The following DYNC1I1 variants were observed in gnomAD, a reference collection of about 807,000 sequenced individuals.
DYNC1I1 encodes the protein cytoplasmic dynein 1 intermediate chain 1.
In DYNC1I1, 43 loss-of-function variants were observed where a neutral mutation model predicts 86.6. The observed-to-expected ratio is 0.50, with a 90% confidence interval of 0.39 to 0.64. The LOEUF (loss-of-function observed/expected upper bound fraction) is 0.64, where lower values mean the gene tolerates loss of function less well. DYNC1I1 is among the 30% of genes least tolerant of loss of function. DYNC1I1 has a pLI of 0.00. For missense variants in DYNC1I1, 604 were observed against 788.8 expected (o/e 0.77, Z 2.81); for synonymous variants, 262 against 283.7 (o/e 0.92, Z 0.77).
chr7:95,977,739 C>T (rs775935455), intron 7 of DYNC1I1, 138 bp downstream of exon 7: 46 of 642,084 alleles, frequency 7.2e-5, no homozygotes, highest in Non-Finnish European at 1.1e-4. Flanking sequence ...TTGTTCAATA[C>T]ATTACATTTA....
intron 1 of DYNC1I1, among the ~76,000 whole-genome samples, chr7:95,775,453 C>T (rs1450462358): frequency 6.6e-6 from 1 of 152,194 alleles, no homozygotes; most frequent in African/African-American, 2.4e-5. Flanking sequence ...TCTCCAAAGA[C>T]TCTAAAACTA....
At chr7:96,102,719 A>G (rs991218989), downstream of DYNC1I1, among the ~76,000 whole-genome samples, 1 of 152,216 alleles carries the variant, frequency 6.6e-6, no homozygotes, top group African/African-American at 2.4e-5. Flanking sequence ...ATGCTATGAT[A>G]TTAATGGTGT....
At chr7:95,916,380 C>T (rs1218765723) in intron 6 of DYNC1I1, among the ~76,000 whole-genome samples, 1 of 151,970 alleles carries the variant, frequency 6.6e-6, no homozygotes, top group Admixed American at 6.6e-5. Context: ...GAAAAACTGG[C>T]CTAAATTATG....
intron 6 of DYNC1I1, among the ~76,000 whole-genome samples, chr7:95,940,569 C>T (rs1250373499): frequency 1.3e-5 from 2 of 152,194 alleles, no homozygotes; most frequent in Non-Finnish European, 2.9e-5. Flanking sequence ...CACTGATACC[C>T]TTTCTTCCAG....
At chr7:95,978,931 G>C (rs1793381982) in intron 7 of DYNC1I1, among the ~76,000 whole-genome samples, 1 of 152,136 alleles carries the variant, frequency 6.6e-6, no homozygotes, top group Non-Finnish European at 1.5e-5. Flanking sequence ...GAGTAGCTGA[G>C]ATTACAGGTG....
At chr7:96,078,219 C>T (rs1790401844) in intron 15 of DYNC1I1, among the ~76,000 whole-genome samples, 1 of 152,102 alleles carries the variant, frequency 6.6e-6, no homozygotes, top group Admixed American at 6.6e-5. Flanking sequence ...TTCATATTTC[C>T]CACCTCAGTA....
At chr7:95,914,239 A>G (rs1791411603) in intron 6 of DYNC1I1, among the ~76,000 whole-genome samples, 1 of 152,230 alleles carries the variant, frequency 6.6e-6, no homozygotes, top group Non-Finnish European at 1.5e-5. Flanking sequence ...CACTTCCAGT[A>G]GCTGAATAGG....
At chr7:95,970,942 A>ACAGC (rs1793153157) in intron 6 of DYNC1I1, among the ~76,000 whole-genome samples, 1 of 152,212 alleles carries the variant, frequency 6.6e-6, no homozygotes, top group Admixed American at 6.5e-5. Context: ...AGACAGGCAG[A>ACAGC]TTCAAGACAG....
In DYNC1I1 at chr7:96,018,791, C is replaced by T. The variant is rs534871752; in HGVS notation, c.970-9384C>T. 2.0e-5 allele frequency among the ~76,000 whole-genome samples: 3 copies of T among 152,278 alleles called. No individual in the cohort carries two copies. The East Asian group carries it at 5.8e-4, about 29-fold the overall frequency. Reference sequence around the variant, plus strand: ...GCAGAGGGAAATATCATAAGTTTCTCAGTTGGGCTGGTTGTGAAAATGACA... The same window carrying T: ...GCAGAGGGAAATATCATAAGTTTCTTAGTTGGGCTGGTTGTGAAAATGACA... On this transcript the variant is annotated intron_variant, in intron 10 of 16. Transcript: ENST00000447467.
chr7:95,806,174 T>G (rs150415249), intron 2 of DYNC1I1, among the ~76,000 whole-genome samples: 1 of 152,300 alleles, frequency 6.6e-6, no homozygotes, highest in African/African-American at 2.4e-5. Context: ...ATATTTCCTT[T>G]CCCTCAAATG....
chr7:95,928,165 A>G lies in DYNC1I1; in HGVS notation c.491-49347A>G, dbSNP rs60377122. Among the ~76,000 whole-genome samples the G allele has an allele frequency of 7.3e-3, 1,115 of 152,342 alleles. 12 individuals carry two copies. The highest frequency in any genetic ancestry group is 0.025 in the African/African-American group (1,053 of 41,574). On this transcript the variant is annotated intron_variant, in intron 6 of 16. Coordinates refer to ENST00000447467, the MANE Select transcript of DYNC1I1 (RefSeq NM_001135556.2). ...CTAGTACTGCCTTGCTTCCTCCTTC[A>G]GGATAGCACCCATTTCTGTAGATAT...
intron 6 of DYNC1I1, among the ~76,000 whole-genome samples, chr7:95,951,484 A>G (rs1011094413): frequency 3.3e-5 from 5 of 152,146 alleles, no homozygotes; most frequent in South Asian, 2.1e-4. Context: ...GAAGGCCCCA[A>G]AAAGAAAGAA....
At chr7:96,081,590 A>G (rs773640396) in intron 16 of DYNC1I1, among the ~76,000 whole-genome samples, 3 of 152,198 alleles carry the variant, frequency 2.0e-5, no homozygotes, top group Non-Finnish European at 2.9e-5. Context: ...TGAATCTAAC[A>G]TTGCATTCCA....
At chr7:96,055,948 A>C (rs1789565351) in intron 14 of DYNC1I1, 1 of 152,204 alleles carries the variant, frequency 6.6e-6, no homozygotes, top group Admixed American at 6.5e-5. Context: ...GGCAAAAGTA[A>C]GAGGAGGTCT....
downstream of DYNC1I1, among the ~76,000 whole-genome samples, chr7:96,102,349 T>A (rs533275776): frequency 9.5e-4 from 144 of 152,256 alleles, no homozygotes; most frequent in Non-Finnish European, 1.6e-3. Context: ...AATTAACTAA[T>A]GTACCAGATG....
At chr7:95,857,886 A>G (rs556862728) in intron 5 of DYNC1I1, among the ~76,000 whole-genome samples, 18 of 152,236 alleles carry the variant, frequency 1.2e-4, no homozygotes, top group Non-Finnish European at 2.4e-4. Context: ...AACTACCTAG[A>G]CTAGCAGTAA....
At chr7:95,822,983 A>G (rs1466887102) in intron 4 of DYNC1I1, among the ~76,000 whole-genome samples, 1 of 152,152 alleles carries the variant, frequency 6.6e-6, no homozygotes, top group Non-Finnish European at 1.5e-5. Context: ...TCGTAGTTAA[A>G]CATTCAGCAT....
intron 4 of DYNC1I1, among the ~76,000 whole-genome samples, chr7:95,824,662 T>C (rs1395507819): frequency 6.6e-6 from 1 of 152,166 alleles, no homozygotes; most frequent in Non-Finnish European, 1.5e-5. Flanking sequence ...TTTTAAAATA[T>C]CAGGCAGAGA....
rs776143490 is a variant in DYNC1I1 at position 96,028,239 on chromosome 7, C to A, written c.1034C>A (p.Ser345Ter). ...AACTTGGTGGTTGGTGGGACTTACT[C>A]GGGCCAGATTGTCCTCTGGGACAAT... ...HPNLVVGGTY[S>*]GQIVLWDNRS... Residue 345 changes from serine to a stop codon, truncating the protein, a stop_gained, in exon 11 of 17, where the codon TCG (serine) becomes TAG (stop). Transcript: ENST00000447467. LOFTEE classifies it high-confidence loss of function. The A allele has an allele frequency of 3.1e-6, 5 of 1,613,906 alleles. No homozygotes were observed. The highest frequency in any genetic ancestry group is 4.2e-6 in the Non-Finnish European group (5 of 1,179,862).
Sources: allele counts gnomAD v4.1 joint callset (sites outside exome capture counted in the v4.1 genomes callset), GRCh38; gene constraint gnomAD v4.1.1; transcripts MANE v1.5; gene names NCBI Gene and HGNC (gene_info 2026-07-23, HGNC 2026-07-21).